MED13L: variants seen among roughly 807,000 people sequenced by gnomAD.
MED13L encodes the protein mediator complex subunit 13L, also known as mediator of RNA polymerase II transcription subunit 13-like.
A neutral mutation model predicts 220.9 loss-of-function variants in MED13L; 7 were observed. The ratio of observed to expected loss-of-function variants is 0.03; its 90% CI spans 0.02 to 0.06. The LOEUF (loss-of-function observed/expected upper bound fraction) is 0.06. Among genes scored for constraint, MED13L ranks in the 10% least tolerant of loss-of-function variants. MED13L has a pLI of 1.00. For synonymous variants in MED13L, 1,011 were observed against 1,015.2 expected, an observed-to-expected ratio of 1.00 and a Z score of 0.08; for missense variants, 1,965 against 2,760.5, an observed-to-expected ratio of 0.71 and a Z score of 6.46.
At chr12:116,011,993 C>T (rs1353859391) in intron 9 of MED13L, among the ~76,000 whole-genome samples, 3 of 152,192 alleles carry the variant, frequency 2.0e-5, no homozygotes, top group Admixed American at 1.3e-4. Context: ...ACATGAATGG[C>T]CATCTTCTAA....
intron 3 of MED13L, among the ~76,000 whole-genome samples, chr12:116,108,959 G>A (rs934080447): frequency 1.1e-4 from 17 of 150,518 alleles, no homozygotes; most frequent in Admixed American, 4.6e-4. Flanking sequence ...GGCTTAGTGA[G>A]ATTAGGGTAA....
intron 2 of MED13L, among the ~76,000 whole-genome samples, chr12:116,116,947 G>A (rs765435852): frequency 3.1e-4 from 46 of 149,896 alleles, no homozygotes; most frequent in Non-Finnish European, 5.0e-4. Flanking sequence ...TAAGGTTCTA[G>A]GAAAAAACGA....
rs1426688486 is a variant in MED13L, at chr12:116,019,375, C to G, written c.858G>C (p.Leu286Phe). 1 of 1,613,874 alleles carries G rather than the reference C, an allele frequency of 6.2e-7. No individual in the cohort carries two copies. The highest frequency in any genetic ancestry group is 8.5e-7 in the Non-Finnish European group (1 of 1,179,928). ...VRMVYPSAFVLISQNDIPVPQ... is the reference protein window; with the variant it reads ...VRMVYPSAFVFISQNDIPVPQ... ...GAACCGGGATGTCATTCTGAGAGAT[C>G]AAAACAAATGCTGAAGGGTAAACCA... is the stretch of plus-strand genomic sequence containing the variant. The change falls in exon 7 of 31, where the codon TTG (leucine) becomes TTC (phenylalanine). Residue 286 changes from leucine to phenylalanine, a missense_variant. By Grantham distance (22) the Leu-to-Phe change is conservative. Around this residue, in one of 10 missense-constraint regions of MED13L, gnomAD observed 818 missense variants for 1,041.2 expected, o/e 0.79. Coordinates refer to ENST00000281928, the MANE Select transcript of MED13L (RefSeq NM_015335.5).
At chr12:116,098,747 A>G (rs1281993566) in intron 3 of MED13L, among the ~76,000 whole-genome samples, 1 of 152,176 alleles carries the variant, frequency 6.6e-6, no homozygotes, top group Non-Finnish European at 1.5e-5. Flanking sequence ...AGCGTAACCA[A>G]ATCTCTTTTC....
chr12:116,015,474 G>A (rs1187029521), intron 7 of MED13L, among the ~76,000 whole-genome samples, 200 bp from the exon 8 acceptor site: 1 of 152,066 alleles, frequency 6.6e-6, no homozygotes, highest in Non-Finnish European at 1.5e-5. Flanking sequence ...CTGGAACTCT[G>A]TCTGTATGAT....
chr12:116,058,818 C>T (rs531086570), intron 4 of MED13L, among the ~76,000 whole-genome samples: 2 of 152,304 alleles, frequency 1.3e-5, no homozygotes, highest in East Asian at 3.9e-4. Context: ...TCCAACCCCA[C>T]TCAAGTAGTA....
intron 2 of MED13L, among the ~76,000 whole-genome samples, chr12:116,180,873 A>T (rs188403285): frequency 6.6e-6 from 1 of 151,850 alleles, no homozygotes; most frequent in African/African-American, 2.4e-5. Flanking sequence ...ATATAATTAC[A>T]TTGTTTATAT....
intron 3 of MED13L, among the ~76,000 whole-genome samples, chr12:116,111,079 T>C (rs921453205): frequency 5.9e-5 from 9 of 152,182 alleles, no homozygotes; most frequent in African/African-American, 1.7e-4. Flanking sequence ...ATTTTTATCA[T>C]GATACTGTGC....
intron 4 of MED13L, among the ~76,000 whole-genome samples, chr12:116,083,585 T>C (rs1481237690): frequency 2.6e-5 from 4 of 152,160 alleles, no homozygotes; most frequent in Non-Finnish European, 2.9e-5. Context: ...ACTTCTGTCA[T>C]TTATTTTCAG....
At chr12:115,984,110 A>G in intron 20 of MED13L, 70 bp downstream of exon 20, 6 of 1,490,752 alleles carry the variant, frequency 4.0e-6, no homozygotes, top group Non-Finnish European at 5.5e-6. Context: ...TGCATCTATA[A>G]AAGAAGGGAT....
At chr12:116,092,028 G>T (rs1304541655) in intron 4 of MED13L, among the ~76,000 whole-genome samples, 2 of 152,146 alleles carry the variant, frequency 1.3e-5, no homozygotes, top group Admixed American at 1.3e-4. Flanking sequence ...CTCAGAAAAT[G>T]AGTAAATGTT....
intron 4 of MED13L, among the ~76,000 whole-genome samples, chr12:116,093,143 A>G (rs1470034721): frequency 1.3e-5 from 2 of 152,208 alleles, no homozygotes; most frequent in Non-Finnish European, 2.9e-5. Flanking sequence ...TAATTTCCAA[A>G]TGATTTTCAC....
intron 2 of MED13L, among the ~76,000 whole-genome samples, chr12:116,211,338 T>C (rs988445620): frequency 6.6e-6 from 1 of 152,158 alleles, no homozygotes; most frequent in African/African-American, 2.4e-5. Context: ...AACAGCCACA[T>C]GTGATAAGTG....
At chr12:116,153,526 A>C (rs1225357144) in intron 2 of MED13L, among the ~76,000 whole-genome samples, 1 of 152,196 alleles carries the variant, frequency 6.6e-6, no homozygotes, top group East Asian at 1.9e-4. Context: ...AATCAGTTTT[A>C]ACCACATACA....
intron 1 of MED13L, among the ~76,000 whole-genome samples, chr12:116,260,554 CA>C (rs575237668): frequency 2.0e-5 from 3 of 151,488 alleles, no homozygotes; most frequent in African/African-American, 4.8e-5. Context: ...CTCTCAATAA[CA>C]AAAAAAATAT....
rs1159121383 is a variant in MED13L, at chr12:116,226,077, T to TA, written c.310+11390dup. 2.0e-3 allele frequency among the ~76,000 whole-genome samples: 226 copies of TA among 111,436 alleles called. 2 individuals are homozygous for TA. Among genetic ancestry groups the TA allele is most frequent in the Non-Finnish European group, 1.5e-3 (84 of 54,982 alleles). The allele number at this position is 111,436 out of a possible 152,430, so 73.1% of individuals were successfully genotyped here. On this transcript the variant is annotated intron_variant, in intron 2 of 30. Coordinates refer to ENST00000281928, the MANE Select transcript of MED13L (RefSeq NM_015335.5). ...TTTTTATCTTTTTTTTTTTTTTTTT[T>TA]AAATCAAGCCAGTTCTGCTGCATGA...
chr12:116,223,928 A>C (rs894772614), intron 2 of MED13L, among the ~76,000 whole-genome samples: 10 of 152,192 alleles, frequency 6.6e-5, no homozygotes, highest in Non-Finnish European at 2.9e-5. Context: ...CTAGACTGAT[A>C]ATCTTTACAC....
chr12:116,051,041 C>G lies in MED13L; in HGVS notation c.480-28440G>C, dbSNP rs564204077. Among the ~76,000 whole-genome samples the G allele has an allele frequency of 3.9e-5, 6 of 152,160 alleles. No individual in the cohort carries two copies. The East Asian group carries it at 1.2e-3, about 29-fold the overall frequency. On this transcript the variant is annotated intron_variant, in intron 4 of 30. Transcript: ENST00000281928. ...ATCTTTAAATGTATATTGTACAAAACTGTATGCATAATACGGAAAAATACC... is the reference window on the plus strand; with the variant it reads ...ATCTTTAAATGTATATTGTACAAAAGTGTATGCATAATACGGAAAAATACC...
intron 2 of MED13L, among the ~76,000 whole-genome samples, chr12:116,206,374 A>C (rs1882330669): frequency 6.6e-6 from 1 of 152,118 alleles, no homozygotes; most frequent in Non-Finnish European, 1.5e-5. Flanking sequence ...GAACATCTAA[A>C]ACCTTACCTT....
Sources: gnomAD v4.1 joint callset for allele counts (sites outside exome capture counted in the v4.1 genomes callset) on GRCh38, gnomAD v4.1.1 for gene constraint, gnomAD v4.1.1 regional missense constraint, MANE v1.5 for transcripts, NCBI Gene and HGNC (gene_info 2026-07-23, HGNC 2026-07-21) for gene names.